Variants in PRDM11 observed in about 807,000 individuals in gnomAD.
PRDM11 encodes the protein PR/SET domain 11.
In PRDM11, 20 loss-of-function variants were observed where a neutral mutation model predicts 97.8. The ratio of observed to expected loss-of-function variants is 0.20; its 90% CI spans 0.14 to 0.30. The LOEUF (loss-of-function observed/expected upper bound fraction) is 0.30, where lower values mean the gene tolerates loss of function less well. PRDM11 is among the 10% of genes least tolerant of loss of function. The pLI is 1.00. For missense variants in PRDM11, 1,139 were observed against 1,555.2 expected (o/e 0.73, Z 4.50); for synonymous variants, 599 against 637.7 (o/e 0.94, Z 0.91).
At chr11:45,181,926 G>A (rs1257818210) in intron 2 of PRDM11, 41 bp downstream of exon 2, 7 of 1,570,282 alleles carry the variant, frequency 4.5e-6, no homozygotes, top group East Asian at 2.2e-5. Context: ...AGAAGTGGGA[G>A]TGGGAGGTGC....
At chr11:45,150,232 T>C (rs1851627298) in intron 1 of PRDM11, among the ~76,000 whole-genome samples, 1 of 152,134 alleles carries the variant, frequency 6.6e-6, no homozygotes, top group Admixed American at 6.5e-5. Flanking sequence ...TCACATCCCC[T>C]CTTCAGGGAA....
chr11:45,204,858 G>A, intron 5 of PRDM11, 80 bp downstream of exon 5: 8 of 1,436,748 alleles, frequency 5.6e-6, no homozygotes, highest in Middle Eastern at 1.9e-4. Flanking sequence ...GGACCTGTGG[G>A]AGCTCCAGTG....
At chr11:45,116,690 C>T (rs1270475495) in intron 1 of PRDM11, among the ~76,000 whole-genome samples, 1 of 152,082 alleles carries the variant, frequency 6.6e-6, no homozygotes, top group East Asian at 1.9e-4. Context: ...GTTGTTTAAG[C>T]CACCCAGTCT....
intron 1 of PRDM11, among the ~76,000 whole-genome samples, chr11:45,128,545 G>A (rs1328880899): frequency 9.6e-6 from 1 of 104,652 alleles, no homozygotes; most frequent in Non-Finnish European, 1.7e-5. Context: ...ACAACTTTTT[G>A]TTGATACATT....
intron 1 of PRDM11, among the ~76,000 whole-genome samples, chr11:45,135,455 A>G (rs950023119): frequency 6.6e-6 from 1 of 152,258 alleles, no homozygotes; most frequent in African/African-American, 2.4e-5. Context: ...ATTTAGTAAG[A>G]TAGCTGGTCA....
In PRDM11 at chr11:45,196,697, A is replaced by G. The variant is rs114176460; in HGVS notation, c.487-8014A>G. Among the ~76,000 whole-genome samples the G allele has an allele frequency of 6.0e-3, 920 of 152,292 alleles. 8 individuals are homozygous for G. Among genetic ancestry groups the G allele is most frequent in the African/African-American group, 0.021 (889 of 41,562 alleles). On this transcript the variant is annotated intron_variant, in intron 4 of 7. Transcript: ENST00000683152. Reference sequence around the variant, plus strand: ...AGCCTGCCTCCTTACCAAGGAGAGCAAGGCTGTGTGTGGTCAGGGTAGCGG... The same window carrying G: ...AGCCTGCCTCCTTACCAAGGAGAGCGAGGCTGTGTGTGGTCAGGGTAGCGG...
intron 1 of PRDM11, among the ~76,000 whole-genome samples, chr11:45,120,860 T>C (rs899349632): frequency 3.3e-5 from 5 of 152,126 alleles, no homozygotes; most frequent in Admixed American, 1.3e-4. Context: ...TGAGTACCAA[T>C]ATATGACAAT....
At chr11:45,200,242 G>C (rs944753214) in intron 4 of PRDM11, among the ~76,000 whole-genome samples, 1 of 152,142 alleles carries the variant, frequency 6.6e-6, no homozygotes, top group African/African-American at 2.4e-5. Flanking sequence ...GGTCTCAGGC[G>C]GTTCCTATGT....
At chr11:45,218,174 T>C (rs1402477222) in intron 5 of PRDM11, among the ~76,000 whole-genome samples, 2 of 152,224 alleles carry the variant, frequency 1.3e-5, no homozygotes, top group Non-Finnish European at 2.9e-5. Flanking sequence ...ATGTTTTGCC[T>C]TTGTACTGCT....
At chr11:45,134,703 A>G (rs1590366470) in intron 1 of PRDM11, among the ~76,000 whole-genome samples, 1 of 49,422 alleles carries the variant, frequency 2.0e-5, no homozygotes, top group Non-Finnish European at 6.1e-5. Context: ...TGTCTCACGA[A>G]AAAAAAAAAA....
chr11:45,176,398 C>T (rs1852329110), intron 1 of PRDM11, among the ~76,000 whole-genome samples: 1 of 152,058 alleles, frequency 6.6e-6, no homozygotes, highest in South Asian at 2.1e-4. Flanking sequence ...ATTTCACCAC[C>T]ATGTGCACAT....
intron 4 of PRDM11, among the ~76,000 whole-genome samples, chr11:45,200,573 A>G (rs1853291052): frequency 6.6e-6 from 1 of 152,188 alleles, no homozygotes; most frequent in Non-Finnish European, 1.5e-5. Flanking sequence ...CTCTGGCTCC[A>G]TGGCTCTTAC....
At chr11:45,150,389 G>C (rs898863532) in intron 1 of PRDM11, among the ~76,000 whole-genome samples, 2 of 152,172 alleles carry the variant, frequency 1.3e-5, no homozygotes, top group African/African-American at 4.8e-5. Flanking sequence ...ACTCTACCAG[G>C]GTTGCTTTGA....
At chr11:45,181,278 A>G (rs2135734652) in intron 1 of PRDM11, among the ~76,000 whole-genome samples, 1 of 152,214 alleles carries the variant, frequency 6.6e-6, no homozygotes. Context: ...TGAGCTGGCA[A>G]AGGGGCCTGG....
intron 4 of PRDM11, among the ~76,000 whole-genome samples, chr11:45,192,776 A>G (rs1029445229): frequency 1.1e-4 from 17 of 152,350 alleles, no homozygotes; most frequent in Non-Finnish European, 2.5e-4. Flanking sequence ...ATAGCTTGGT[A>G]AACACAAAGT....
upstream of PRDM11, among the ~76,000 whole-genome samples, chr11:45,144,631 C>T (rs994750167): frequency 1.6e-4 from 24 of 152,280 alleles, no homozygotes; most frequent in African/African-American, 5.8e-4. Flanking sequence ...CTGCCTCACC[C>T]TCTACCCCAG....
At chr11:45,184,131 C>T (rs981536499) in intron 4 of PRDM11, among the ~76,000 whole-genome samples, 2 of 152,170 alleles carry the variant, frequency 1.3e-5, no homozygotes, top group Non-Finnish European at 2.9e-5. Context: ...TGGAGAGGTG[C>T]ATCCAGATGC....
chr11:45,166,342 T>C lies in PRDM11; in HGVS notation c.-6-15419T>C, dbSNP rs542095520. ...TCTATCCTTTCAGCAATCCCTGCAA[T>C]GAAAGGGCCCTTCTCTTTCCAGCAG... On this transcript the variant is annotated intron_variant, in intron 1 of 7. Transcript: ENST00000683152. Among the ~76,000 whole-genome samples the C allele has an allele frequency of 6.6e-5, 10 of 152,344 alleles. No homozygotes were observed. The East Asian group carries it at 1.9e-3, about 29-fold the overall frequency.
chr11:45,115,807 G>A (rs1425198651), intron 1 of PRDM11, among the ~76,000 whole-genome samples: 1 of 151,828 alleles, frequency 6.6e-6, no homozygotes, highest in African/African-American at 2.4e-5. Context: ...GCAGGTGCCT[G>A]TAATTCCAGC....
Sources: allele counts gnomAD v4.1 joint callset (sites outside exome capture counted in the v4.1 genomes callset), GRCh38; gene constraint gnomAD v4.1.1; transcripts MANE v1.5; gene names NCBI Gene and HGNC (gene_info 2026-07-23, HGNC 2026-07-21).